REV3L: variants seen among roughly 807,000 people sequenced by gnomAD.
The protein encoded by REV3L is DNA polymerase zeta catalytic subunit.
Under a neutral mutation model 299.4 loss-of-function variants are expected in REV3L, and 69 were observed. The observed-to-expected ratio is 0.23, with a 90% CI of 0.19 to 0.28. REV3L has a LOEUF of 0.28. Among genes scored for constraint, REV3L ranks in the 10% least tolerant of loss-of-function variants. The pLI is 1.00. For missense variants in REV3L, 3,128 were observed against 3,693.8 expected (o/e 0.85, Z 3.97); for synonymous variants, 1,238 against 1,271.4 (o/e 0.97, Z 0.56).
intron 13 of REV3L, among the ~76,000 whole-genome samples, chr6:111,372,210 GTTC>G (rs1477379722): frequency 3.3e-5 from 5 of 152,114 alleles, no homozygotes; most frequent in African/African-American, 1.2e-4. Context: ...TGAAAATGAA[GTTC>G]TTTTAAAATG....
chr6:111,367,406 A>C lies in REV3L; in HGVS notation c.6382T>G (p.Trp2128Gly). The change falls in exon 14 of 32, where the codon TGG becomes GGG. Residue 2128 changes from tryptophan to glycine, a missense_variant. By Grantham distance (184) the Trp-to-Gly change is radical. Transcript: ENST00000368802. ...GAATCTGGGGATATTGGTTGTTGCC[A>C]AGGGGGAATTACTGGAGAATCAGGG... The part of the protein sequence containing the change: ...SSPDSPVIPP[W>G]QQPISPDSKA... The C allele has an allele frequency of 6.2e-7, 1 of 1,611,452 alleles. No individual in the cohort carries two copies. The highest frequency in any genetic ancestry group is 8.5e-7 in the Non-Finnish European group (1 of 1,178,938).
chr6:111,416,034 A>C (rs1259714652), intron 2 of REV3L, among the ~76,000 whole-genome samples: 1 of 152,206 alleles, frequency 6.6e-6, no homozygotes, highest in African/African-American at 2.4e-5. Flanking sequence ...ATAAATTACT[A>C]TATGAATTAC....
chr6:111,351,619 A>AT (rs2114946098), intron 19 of REV3L, 57 bp downstream of exon 19: 1 of 1,350,478 alleles, frequency 7.4e-7, no homozygotes, highest in South Asian at 1.2e-5. Context: ...TTCTGTCTTT[A>AT]TTTCCTTTAT....
At chr6:111,437,541 A>C (rs1026748522) in intron 1 of REV3L, among the ~76,000 whole-genome samples, 4 of 151,366 alleles carry the variant, frequency 2.6e-5, no homozygotes, top group African/African-American at 9.7e-5. Flanking sequence ...TTTTAATTTT[A>C]TATTATATAG....
At chr6:111,412,272 C>T in intron 2 of REV3L, 1 of 984,974 alleles carries the variant, frequency 1.0e-6, no homozygotes, top group African/African-American at 1.7e-5. Flanking sequence ...CATGTTATGG[C>T]TGAGTTTTTT....
chr6:111,320,986 T>C (rs1774111536), intron 26 of REV3L, among the ~76,000 whole-genome samples: 1 of 152,152 alleles, frequency 6.6e-6, no homozygotes. Context: ...TGAATGGTGA[T>C]CAAAAGTTTT....
chr6:111,334,888 A>G (rs898951149), intron 22 of REV3L, among the ~76,000 whole-genome samples: 7 of 152,190 alleles, frequency 4.6e-5, no homozygotes, highest in Non-Finnish European at 8.8e-5. Context: ...GTGTTTTAAT[A>G]TGGTATCGCT....
intron 17 of REV3L, among the ~76,000 whole-genome samples, chr6:111,358,084 G>A (rs1304888308): frequency 6.6e-6 from 1 of 152,168 alleles, no homozygotes; most frequent in African/African-American, 2.4e-5. Context: ...GAATTCACTT[G>A]TAATGGTGAC....
chr6:111,389,091 C>T lies in REV3L; in HGVS notation c.862+15G>A. On this transcript the variant is annotated intron_variant, in intron 7 of 31. Coordinates refer to ENST00000368802, the MANE Select transcript of REV3L (RefSeq NM_001372078.1). Reference sequence around the variant, plus strand: ...TTGATTTAAAAGAATAATCAGAGCACTATTAGGTTTATACCTTGTGACTCA... The same window carrying T: ...TTGATTTAAAAGAATAATCAGAGCATTATTAGGTTTATACCTTGTGACTCA... 6.4e-7 allele frequency: 1 copy of T among 1,566,196 alleles called. No individual in the cohort carries two copies. Among genetic ancestry groups the T allele is most frequent in the Non-Finnish European group, 8.8e-7 (1 of 1,137,068 alleles).
chr6:111,408,363 G>A lies in REV3L; in HGVS notation c.405-2733C>T, dbSNP rs948379810. ...CACGCCTGTAATCCCAGCACTTTGG[G>A]AGCCTGAGGTGGGCGGATCACCTGA... On this transcript the variant is annotated intron_variant, in intron 3 of 31. Coordinates refer to ENST00000368802, the MANE Select transcript of REV3L (RefSeq NM_001372078.1). 2.0e-5 allele frequency among the ~76,000 whole-genome samples: 3 copies of A among 152,118 alleles called. No individual in the cohort carries two copies. The South Asian group carries it at 6.2e-4, about 31-fold the overall frequency.
intron 25 of REV3L, among the ~76,000 whole-genome samples, chr6:111,322,937 T>C (rs2114785028): frequency 6.6e-6 from 1 of 152,226 alleles, no homozygotes; most frequent in East Asian, 1.9e-4. Context: ...CTGCACTTGT[T>C]ACAAGGTACT....
rs918679080 is a variant in REV3L, at chr6:111,367,200, T to G, written c.6588A>C (p.Ser2196=). Residue 2196 remains serine, a synonymous_variant, in exon 14 of 32, where the codon TCA becomes TCC. Transcript: ENST00000368802. ...TGATTGGTGTACTATGAAAGCAAAG[T>G]GATTCACATTTCCCAGTTCTTGCCC... ...NTRARTGKCE[S]LCFHSTPIIQ... is the part of the protein sequence containing the mutation. The G allele has an allele frequency of 1.2e-6, 2 of 1,614,010 alleles. No individual in the cohort carries two copies. Among genetic ancestry groups the G allele is most frequent in the Non-Finnish European group, 1.7e-6 (2 of 1,179,938 alleles).
At chr6:111,479,313 A>G (rs1356843203) in intron 1 of REV3L, among the ~76,000 whole-genome samples, 1 of 152,210 alleles carries the variant, frequency 6.6e-6, no homozygotes, top group East Asian at 1.9e-4. Flanking sequence ...GCTCAATTTG[A>G]TTATGTCAAA....
At chr6:111,473,067 G>A (rs1458939614) in intron 1 of REV3L, among the ~76,000 whole-genome samples, 1 of 152,054 alleles carries the variant, frequency 6.6e-6, no homozygotes, top group African/African-American at 2.4e-5. Flanking sequence ...ATGTTAAAAT[G>A]GCAGCCAGAT....
chr6:111,353,374 C>T (rs1480712426), intron 18 of REV3L, among the ~76,000 whole-genome samples: 1 of 152,150 alleles, frequency 6.6e-6, no homozygotes, highest in African/African-American at 2.4e-5. Flanking sequence ...TAAATGTTTT[C>T]TGATTTTTAA....
Position 111,375,568 on chromosome 6 carries a change from A to C in REV3L, c.2787T>G (p.Thr929=). ...LRAKRKVNYE[T]EDSESSFVTH... ...TTACAAAACTTGACTCACTGTCTTC[A>C]GTCTCATAATTTACCTTGCGTTTGG... Residue 929 remains threonine (T), a synonymous_variant, in exon 13 of 32, where the codon ACT becomes ACG. Transcript: ENST00000368802. The C allele has an allele frequency of 6.2e-7, 1 of 1,613,834 alleles. No homozygotes were observed. Among genetic ancestry groups the C allele is most frequent in the Non-Finnish European group, 8.5e-7 (1 of 1,179,906 alleles).
In REV3L at chr6:111,392,867, T is replaced by C; in HGVS notation, c.662+9A>G. 1 of 1,561,124 alleles carries C rather than the reference T, an allele frequency of 6.4e-7. No individual in the cohort carries two copies. Among genetic ancestry groups the C allele is most frequent in the Non-Finnish European group, 8.8e-7 (1 of 1,132,178 alleles). ...TAAAATTTTCATTTCCTTTACAACATTAACTAACCTTGGTATTTCATCTTG... is the reference window on the plus strand; with the variant it reads ...TAAAATTTTCATTTCCTTTACAACACTAACTAACCTTGGTATTTCATCTTG... On this transcript the variant is annotated intron_variant, in intron 5 of 31. Coordinates refer to ENST00000368802, the MANE Select transcript of REV3L (RefSeq NM_001372078.1).
At chr6:111,307,645 GT>G in intron 30 of REV3L, 75 bp from the exon 31 acceptor site, 1 of 1,352,200 alleles carries the variant, frequency 7.4e-7, no homozygotes, top group Non-Finnish European at 1.0e-6. Context: ...CTAATTACAG[GT>G]TTACTCAGGC....
At chr6:111,376,831 T>C in intron 12 of REV3L, 74 bp from the exon 13 acceptor site, 1 of 1,193,040 alleles carries the variant, frequency 8.4e-7, no homozygotes, top group Non-Finnish European at 1.1e-6. Context: ...CACACCAAGA[T>C]ATTAATGCTA....
Sources: gnomAD v4.1 joint callset for allele counts (sites outside exome capture counted in the v4.1 genomes callset) on GRCh38, gnomAD v4.1.1 for gene constraint, MANE v1.5 for transcripts, NCBI Gene and HGNC (gene_info 2026-07-23, HGNC 2026-07-21) for gene names.